NRXN1: variants seen among roughly 807,000 people sequenced by gnomAD.
NRXN1 encodes neurexin-1.
In NRXN1, 39 loss-of-function variants were observed where a neutral mutation model predicts 150.9. That is an observed-to-expected ratio of 0.26 (90% CI 0.20 to 0.34). The LOEUF is 0.34. Ranked by LOEUF, NRXN1 falls within the 10% of genes least tolerant of loss-of-function variation. The pLI, the probability that NRXN1 is intolerant of heterozygous loss-of-function variation, is 1.00. For synonymous variants in NRXN1, 924 were observed against 757.0 expected (o/e 1.22, Z -3.62); for missense variants, 1,815 against 1,949.9 (o/e 0.93, Z 1.30).
intron 5 of NRXN1, among the ~76,000 whole-genome samples, chr2:50,655,536 T>A (rs768653022): frequency 2.6e-5 from 4 of 151,984 alleles, no homozygotes; most frequent in Non-Finnish European, 5.9e-5. Context: ...AACCGAAAGT[T>A]TTTGTTAATT....
At chr2:50,312,442 T>C (rs544308957) in intron 17 of NRXN1, among the ~76,000 whole-genome samples, 2 of 151,888 alleles carry the variant, frequency 1.3e-5, no homozygotes, top group East Asian at 3.9e-4. Context: ...TTTCTTTTAA[T>C]CTTGGGAAAC....
At chr2:50,472,728 G>A (rs2089625126) in intron 15 of NRXN1, among the ~76,000 whole-genome samples, 1 of 151,152 alleles carries the variant, frequency 6.6e-6, no homozygotes, top group South Asian at 2.1e-4. Context: ...AAGGAATGTG[G>A]GCTAGCTATA....
At chr2:49,968,137 C>T (rs1378972464) in intron 21 of NRXN1, among the ~76,000 whole-genome samples, 1 of 128,100 alleles carries the variant, frequency 7.8e-6, no homozygotes, top group Non-Finnish European at 1.7e-5. Flanking sequence ...CTCCATCCCA[C>T]CAAAAAAAAA....
intron 5 of NRXN1, among the ~76,000 whole-genome samples, chr2:50,700,946 G>A (rs552274163): frequency 4.6e-5 from 7 of 152,102 alleles, no homozygotes; most frequent in East Asian, 3.9e-4. Context: ...GATTACAGGC[G>A]TGAGCAACTG....
chr2:50,797,847 C>T (rs17568833), intron 5 of NRXN1, among the ~76,000 whole-genome samples: 12,406 of 152,194 alleles, frequency 0.082, 638 homozygotes, highest in Non-Finnish European at 0.11. Context: ...CCTAGAGAAA[C>T]TGTCATTCTA....
chr2:50,393,698 T>C (rs1163739109), intron 17 of NRXN1, among the ~76,000 whole-genome samples: 4 of 152,132 alleles, frequency 2.6e-5, no homozygotes, highest in African/African-American at 9.7e-5. Context: ...CAGGAATAGA[T>C]AGATTTGAAA....
intron 17 of NRXN1, among the ~76,000 whole-genome samples, chr2:50,259,897 T>A (rs189884201): frequency 6.8e-4 from 104 of 151,998 alleles, no homozygotes; most frequent in African/African-American, 2.4e-3. Context: ...AGGTGGTTTA[T>A]CATTTGTGGT....
intron 18 of NRXN1, among the ~76,000 whole-genome samples, chr2:50,146,480 A>G (rs900204772): frequency 6.6e-6 from 1 of 151,726 alleles, no homozygotes; most frequent in East Asian, 1.9e-4. Flanking sequence ...CACATTTGTT[A>G]GATTATATAG....
intron 19 of NRXN1, among the ~76,000 whole-genome samples, chr2:50,077,674 G>C (rs555356101): frequency 6.6e-6 from 1 of 152,176 alleles, no homozygotes; most frequent in South Asian, 2.1e-4. Context: ...CAAGAAAAAT[G>C]AAACCAAAAT....
At chr2:50,370,703 A>G (rs1009368058) in intron 17 of NRXN1, among the ~76,000 whole-genome samples, 7 of 152,026 alleles carry the variant, frequency 4.6e-5, no homozygotes, top group African/African-American at 1.4e-4. Flanking sequence ...GTGGAAGAGG[A>G]ACAGAAAAAG....
chr2:50,689,448 C>T (rs1021721814), intron 5 of NRXN1, among the ~76,000 whole-genome samples: 1 of 152,130 alleles, frequency 6.6e-6, no homozygotes, highest in Non-Finnish European at 1.5e-5. Flanking sequence ...CTCTAAATGC[C>T]ATGTCTATAT....
chr2:50,990,227 G>T (rs1698344568), intron 2 of NRXN1, among the ~76,000 whole-genome samples: 1 of 151,830 alleles, frequency 6.6e-6, no homozygotes, highest in Non-Finnish European at 1.5e-5. Flanking sequence ...ATATCAATTT[G>T]CAAACATTTT....
At chr2:50,071,448 C>T (rs1696282078) in intron 19 of NRXN1, among the ~76,000 whole-genome samples, 1 of 152,106 alleles carries the variant, frequency 6.6e-6, no homozygotes, top group African/African-American at 2.4e-5. Context: ...GATCCTAATG[C>T]AATCTGACTG....
At chr2:50,107,175 G>T (rs1701763940) in intron 18 of NRXN1, among the ~76,000 whole-genome samples, 2 of 150,310 alleles carry the variant, frequency 1.3e-5, no homozygotes, top group Admixed American at 1.3e-4. Context: ...CAAAGGTATT[G>T]TTGAATTTAT....
intron 18 of NRXN1, among the ~76,000 whole-genome samples, chr2:50,213,278 A>G (rs1216886221): frequency 6.6e-6 from 1 of 151,980 alleles, no homozygotes; most frequent in Non-Finnish European, 1.5e-5. Flanking sequence ...GACAGACATA[A>G]TAAGTTCCTC....
chr2:50,631,973 C>T (rs1682400004), intron 5 of NRXN1, among the ~76,000 whole-genome samples: 1 of 151,858 alleles, frequency 6.6e-6, no homozygotes, highest in Non-Finnish European at 1.5e-5. Flanking sequence ...TATAAAGATT[C>T]TCTGCAAGAA....
intron 2 of NRXN1, among the ~76,000 whole-genome samples, chr2:50,929,969 C>A (rs1687499510): frequency 6.6e-6 from 1 of 151,962 alleles, no homozygotes; most frequent in African/African-American, 2.4e-5. Context: ...CGGCCCAGAA[C>A]CAAGACGATG....
chr2:50,576,175 C>A (rs1671410577), intron 8 of NRXN1, among the ~76,000 whole-genome samples: 1 of 152,134 alleles, frequency 6.6e-6, no homozygotes. Flanking sequence ...GATATCCACA[C>A]ATATGCACAT....
At chr2:50,021,949 C>T (rs1225192070) in intron 21 of NRXN1, among the ~76,000 whole-genome samples, 4 of 152,212 alleles carry the variant, frequency 2.6e-5, no homozygotes, top group Non-Finnish European at 4.4e-5. Context: ...TTCCAGGGTT[C>T]AAGAGATTCT....
Sources: allele counts gnomAD v4.1 joint callset (sites outside exome capture counted in the v4.1 genomes callset), GRCh38; gene constraint gnomAD v4.1.1; transcripts MANE v1.5; gene names NCBI Gene and HGNC (gene_info 2026-07-23, HGNC 2026-07-21).